Variants in CTTNBP2 observed in about 807,000 individuals in gnomAD.
CTTNBP2 encodes the protein cortactin binding protein 2, also known as cortactin-binding protein 2.
CTTNBP2 carries 108 observed loss-of-function variants against 156.9 expected under a neutral mutation model. The ratio of observed to expected loss-of-function variants is 0.69; its 90% CI spans 0.59 to 0.81. The LOEUF (loss-of-function observed/expected upper bound fraction) is 0.81, where lower values mean the gene tolerates loss of function less well. Among genes scored for constraint, CTTNBP2 ranks in the 30% least tolerant of loss-of-function variants. The pLI, the probability that CTTNBP2 is intolerant of heterozygous loss-of-function variation, is 0.00. For missense variants in CTTNBP2, 1,924 were observed against 2,035.4 expected, an observed-to-expected ratio of 0.95 and a Z score of 1.05; for synonymous variants, 767 against 751.8, an observed-to-expected ratio of 1.02 and a Z score of -0.33.
At chr7:117,735,158 T>G in intron 15 of CTTNBP2, 58 bp from the exon 16 acceptor site, 1 of 1,590,222 alleles carries the variant, frequency 6.3e-7, no homozygotes, top group Non-Finnish European at 8.6e-7. Flanking sequence ...TGGGACAGAT[T>G]CAAATTAAAA....
chr7:117,714,810 C>T (rs1271822430), intron 22 of CTTNBP2, among the ~76,000 whole-genome samples: 1 of 152,124 alleles, frequency 6.6e-6, no homozygotes, highest in Non-Finnish European at 1.5e-5. Flanking sequence ...GAGCAGGTGA[C>T]CAATGCACAG....
intron 14 of CTTNBP2, among the ~76,000 whole-genome samples, chr7:117,738,536 C>T (rs180921009): frequency 6.6e-6 from 1 of 152,146 alleles, no homozygotes; most frequent in East Asian, 1.9e-4. Context: ...ATTTTGAGAC[C>T]GAATCAGTAA....
intron 2 of CTTNBP2, among the ~76,000 whole-genome samples, chr7:117,839,118 G>A (rs983962930): frequency 6.6e-6 from 1 of 152,014 alleles, no homozygotes; most frequent in African/African-American, 2.4e-5. Flanking sequence ...TACCTAAAGT[G>A]GGAACCTGCC....
chr7:117,736,486 C>T (rs1795714861), intron 14 of CTTNBP2, among the ~76,000 whole-genome samples: 3 of 152,098 alleles, frequency 2.0e-5, no homozygotes, highest in African/African-American at 4.8e-5. Context: ...AAGTAAATCG[C>T]TCTTTCCATT....
chr7:117,849,532 C>T (rs749035764), intron 2 of CTTNBP2, among the ~76,000 whole-genome samples: 1 of 152,092 alleles, frequency 6.6e-6, no homozygotes, highest in Non-Finnish European at 1.5e-5. Flanking sequence ...CACATAAATG[C>T]TTCAGCTTGG....
chr7:117,872,558 G>C (rs181114176), intron 1 of CTTNBP2, among the ~76,000 whole-genome samples: 68 of 152,202 alleles, frequency 4.5e-4, no homozygotes, highest in African/African-American at 1.4e-3. Context: ...ATATTAAGGG[G>C]GTGAAAGTAA....
chr7:117,868,142 A>G (rs553314114), intron 1 of CTTNBP2, among the ~76,000 whole-genome samples: 1 of 152,346 alleles, frequency 6.6e-6, no homozygotes, highest in East Asian at 1.9e-4. Context: ...TCGATGTGAC[A>G]TCAGCCCGAC....
chr7:117,847,842 T>G (rs926224185), intron 2 of CTTNBP2, among the ~76,000 whole-genome samples: 1 of 104,036 alleles, frequency 9.6e-6, no homozygotes, highest in African/African-American at 3.7e-5. Flanking sequence ...TTTTTTTTTT[T>G]TTTTTTTTGA....
chr7:117,806,361 A>G (rs1453763579), intron 3 of CTTNBP2, among the ~76,000 whole-genome samples: 1 of 152,234 alleles, frequency 6.6e-6, no homozygotes, highest in African/African-American at 2.4e-5. Flanking sequence ...CTGAGAGGAA[A>G]GCAATTACAG....
chr7:117,829,310 A>G (rs1801470742), intron 2 of CTTNBP2, among the ~76,000 whole-genome samples: 1 of 152,232 alleles, frequency 6.6e-6, no homozygotes, highest in Non-Finnish European at 1.5e-5. Context: ...ATATTCATAG[A>G]GAACAAAGGA....
chr7:117,868,900 G>A lies in CTTNBP2; in HGVS notation c.81+4435C>T, dbSNP rs538808816. Among the ~76,000 whole-genome samples, 4 of 152,290 alleles carry A rather than the reference G, an allele frequency of 2.6e-5. No homozygotes were observed. In the South Asian group the frequency reaches 8.3e-4, roughly 32 times the overall value. ...CTGTGAAATTGCAGACTATTCTAAA[G>A]CCTTGCCTAAACTCCTTTTTTCCTG... On this transcript the variant is annotated intron_variant, in intron 1 of 22. Transcript: ENST00000160373.
At chr7:117,748,281 C>T (rs1294336643) in intron 12 of CTTNBP2, among the ~76,000 whole-genome samples, 2 of 152,138 alleles carry the variant, frequency 1.3e-5, no homozygotes, top group Non-Finnish European at 2.9e-5. Flanking sequence ...TTAAAAAATG[C>T]TGCCCAGATA....
chr7:117,754,331 C>T (rs1228623259), intron 12 of CTTNBP2, among the ~76,000 whole-genome samples: 1 of 152,192 alleles, frequency 6.6e-6, no homozygotes, highest in East Asian at 1.9e-4. Context: ...CTTTATTTTT[C>T]TTTACACTTG....
Position 117,791,237 on chromosome 7 carries a change from GTC to G in CTTNBP2, c.1957_1958del (p.Asp653GlnfsTer19), listed in dbSNP as rs1798984762. 1.2e-6 allele frequency: 2 copies of G among 1,614,046 alleles called. No homozygotes were observed. The highest frequency in any genetic ancestry group is 2.7e-5 in the African/African-American group (2 of 74,906). ...TGGTGGTAGGAATGACAAGGGAACTGTCTGAACATGCAGGTTGGTTCAGTCCG... is the reference window on the plus strand; with the variant it reads ...TGGTGGTAGGAATGACAAGGGAACTGTGAACATGCAGGTTGGTTCAGTCCG... ...TPGLNQPACS[D>X]SSLVIPTTIA... On this transcript the variant is annotated frameshift_variant, in exon 4 of 23. Transcript: ENST00000160373. LOFTEE classifies it high-confidence loss of function.
chr7:117,774,440 A>G (rs954038841), intron 8 of CTTNBP2, among the ~76,000 whole-genome samples: 37 of 152,254 alleles, frequency 2.4e-4, no homozygotes, highest in African/African-American at 8.9e-4. Flanking sequence ...ACCAGACCGC[A>G]CAGGAGGAGG....
intron 2 of CTTNBP2, among the ~76,000 whole-genome samples, chr7:117,832,919 C>CT (rs34157150): frequency 3.4e-3 from 513 of 150,326 alleles, no homozygotes; most frequent in Non-Finnish European, 5.4e-3. Flanking sequence ...GCTTTTTTTT[C>CT]TTTTTTTTTG....
chr7:117,800,238 GCTAA>G (rs761218866), intron 3 of CTTNBP2, among the ~76,000 whole-genome samples: 27 of 152,016 alleles, frequency 1.8e-4, no homozygotes, highest in Admixed American at 7.2e-4. Flanking sequence ...TGAATTTAAG[GCTAA>G]CTATTAAAAC....
At chr7:117,732,601 G>A (rs1306812334) in intron 16 of CTTNBP2, among the ~76,000 whole-genome samples, 2 of 131,148 alleles carry the variant, frequency 1.5e-5, no homozygotes, top group African/African-American at 5.9e-5. Flanking sequence ...AGTGAGCCGA[G>A]ATCACGCCAC....
chr7:117,837,116 C>T (rs1377266326), intron 2 of CTTNBP2, among the ~76,000 whole-genome samples: 1 of 152,162 alleles, frequency 6.6e-6, no homozygotes, highest in Non-Finnish European at 1.5e-5. Context: ...TTCTGATTGA[C>T]ATCATTTAAG....
Sources: allele counts gnomAD v4.1 joint callset (sites outside exome capture counted in the v4.1 genomes callset), GRCh38; gene constraint gnomAD v4.1.1; transcripts MANE v1.5; gene names NCBI Gene and HGNC (gene_info 2026-07-23, HGNC 2026-07-21).